Variants in RNF169 observed in about 807,000 individuals in gnomAD.
RNF169 encodes E3 ubiquitin-protein ligase RNF169.
A neutral mutation model predicts 53.9 loss-of-function variants in RNF169; 24 were observed. That is an observed-to-expected ratio of 0.45 (90% CI 0.32 to 0.63). The LOEUF (loss-of-function observed/expected upper bound fraction) is 0.63, where lower values mean the gene tolerates loss of function less well. RNF169 is among the 20% of genes least tolerant of loss of function. RNF169 has a pLI of 0.04. For synonymous variants in RNF169, 396 were observed against 363.5 expected (o/e 1.09, Z -1.02); for missense variants, 883 against 906.2 (o/e 0.97, Z 0.33).
At chr11:74,768,844 A>G (rs1333595291) in intron 1 of RNF169, among the ~76,000 whole-genome samples, 3 of 151,932 alleles carry the variant, frequency 2.0e-5, no homozygotes. Context: ...CAGGAGTTCA[A>G]CACCAGCCTG....
intron 1 of RNF169, among the ~76,000 whole-genome samples, chr11:74,767,605 T>C (rs111893370): frequency 0.03 from 4,627 of 152,182 alleles, 68 homozygotes; most frequent in Non-Finnish European, 0.038. Context: ...AGTCTCGCTC[T>C]GTCGCCCAGG....
At chr11:74,781,662 G>A (rs2035418510) in intron 1 of RNF169, among the ~76,000 whole-genome samples, 1 of 152,126 alleles carries the variant, frequency 6.6e-6, no homozygotes, top group Non-Finnish European at 1.5e-5. Flanking sequence ...TTTGTTCTTA[G>A]TTTTTATTTT....
At chr11:74,807,106 C>T (rs962230598) in intron 2 of RNF169, among the ~76,000 whole-genome samples, 6 of 152,102 alleles carry the variant, frequency 3.9e-5, no homozygotes, top group African/African-American at 1.2e-4. Flanking sequence ...ACCTCATTTA[C>T]AGTAGTGGAT....
chr11:74,767,914 G>A (rs1330025382), intron 1 of RNF169, among the ~76,000 whole-genome samples: 1 of 152,100 alleles, frequency 6.6e-6, no homozygotes, highest in Admixed American at 6.5e-5. Context: ...CTGGCTTCAG[G>A]ATATCCCCCT....
chr11:74,771,179 A>AT (rs368294913), intron 1 of RNF169, among the ~76,000 whole-genome samples: 1 of 151,742 alleles, frequency 6.6e-6, no homozygotes, highest in Non-Finnish European at 1.5e-5. Context: ...AGTTGTAGTA[A>AT]TTTTTTTTGC....
intron 4 of RNF169, among the ~76,000 whole-genome samples, chr11:74,820,718 A>AG (rs1177525519): frequency 6.6e-6 from 1 of 152,222 alleles, no homozygotes; most frequent in Non-Finnish European, 1.5e-5. Context: ...TGGCTGGAAA[A>AG]GGAAGATAGC....
chr11:74,795,382 G>A (rs1423602968), intron 2 of RNF169, among the ~76,000 whole-genome samples: 4 of 151,244 alleles, frequency 2.6e-5, no homozygotes, highest in Admixed American at 2.0e-4. Context: ...ACCATGCCCA[G>A]TGTGTTGCCC....
intron 1 of RNF169, among the ~76,000 whole-genome samples, chr11:74,763,001 T>C (rs1035642377): frequency 6.6e-6 from 1 of 152,184 alleles, no homozygotes; most frequent in Admixed American, 6.5e-5. Flanking sequence ...TGTGCTGCAC[T>C]CTAGGTGAAA....
chr11:74,782,581 TC>T (rs1346285984), intron 1 of RNF169, among the ~76,000 whole-genome samples: 3 of 152,146 alleles, frequency 2.0e-5, no homozygotes, highest in Admixed American at 1.3e-4. Context: ...AGAAAACTGG[TC>T]CCTTGTGCCA....
At position 74,749,378 on chromosome 11, in the gene RNF169, G is replaced by T. The variant is rs780915018; in HGVS notation, c.498G>T (p.Glu166Asp). The change falls in exon 1 of 6, where the codon GAG becomes GAT. Residue 166 changes from glutamate (E) to aspartate (D), a missense_variant. Around this residue, in one of 3 missense-constraint regions of RNF169, gnomAD observed 313 missense variants for 279.9 expected, o/e 1.12. Transcript: ENST00000299563. ...AGGAGCCGCGTGCCGCGCCTGCGGA[G>T]CCAGGTGGAGCTTCCCCACTTCCCC... Reference protein sequence around the residue: ...PEQEPRAAPAEPDFIFRAPIK... With the variant: ...PEQEPRAAPADPDFIFRAPIK... 1 of 1,247,792 alleles carries T rather than the reference G, an allele frequency of 8.0e-7. No homozygotes were observed. Among genetic ancestry groups the T allele is most frequent in the African/African-American group, 1.5e-5 (1 of 65,024 alleles). 77.3% of individuals were successfully genotyped at this position (1,247,792 alleles called of 1,614,324 possible). A position where few individuals can be genotyped will look rare whatever the true frequency, so the allele number is the denominator to read the frequency against.
chr11:74,790,891 G>A, intron 2 of RNF169, among the ~76,000 whole-genome samples: 1 of 152,238 alleles, frequency 6.6e-6, no homozygotes, highest in East Asian at 1.9e-4. Context: ...TCCCTGAAGG[G>A]CTGCAGCTCT....
intron 4 of RNF169, among the ~76,000 whole-genome samples, chr11:74,828,855 A>C (rs572700351): frequency 2.0e-5 from 3 of 152,348 alleles, no homozygotes; most frequent in Admixed American, 1.3e-4. Context: ...AGATGAATTA[A>C]AGACTTAAAT....
At chr11:74,805,524 T>C (rs1382923453) in intron 2 of RNF169, among the ~76,000 whole-genome samples, 1 of 152,142 alleles carries the variant, frequency 6.6e-6, no homozygotes, top group Non-Finnish European at 1.5e-5. Flanking sequence ...TCTTATGATA[T>C]AAAAAATGAA....
intron 1 of RNF169, among the ~76,000 whole-genome samples, chr11:74,786,155 G>T (rs553106435): frequency 4.3e-4 from 66 of 151,742 alleles, no homozygotes; most frequent in African/African-American, 1.5e-3. Context: ...TAGCCAGGAT[G>T]GTCTTGATCT....
At chr11:74,820,098 G>A (rs114158207) in intron 4 of RNF169, among the ~76,000 whole-genome samples, 3,228 of 152,144 alleles carry the variant, frequency 0.021, 111 homozygotes, top group African/African-American at 0.074. Flanking sequence ...TGGGAAATAG[G>A]TACCCTTCCT....
At position 74,792,264 on chromosome 11, in the gene RNF169, C is replaced by G. The variant is rs566943041; in HGVS notation, c.576+2565C>G. 3.2e-4 allele frequency among the ~76,000 whole-genome samples: 49 copies of G among 152,086 alleles called. 2 individuals are homozygous for G. In the South Asian group the frequency reaches 9.8e-3, roughly 30 times the overall value. On this transcript the variant is annotated intron_variant, in intron 2 of 5. Coordinates refer to ENST00000299563, the MANE Select transcript of RNF169 (RefSeq NM_001098638.2). ...AATAAAATTTCAGAATGTACACATA[C>G]AATATTTACTTCTAATAGATCTTTT...
At position 74,749,297 on chromosome 11, in the gene RNF169, G is replaced by A. The variant is rs1220499924; in HGVS notation, c.417G>A (p.Glu139=). Residue 139 remains glutamate, a synonymous_variant, in exon 1 of 6, where the codon GAG becomes GAA. Transcript: ENST00000299563. The part of the protein sequence containing the change: ...LGECARRSQP[E]RCRPRRDGGA... ...AGTGCGCCCGCCGCAGCCAACCCGA[G>A]CGCTGCCGCCCGCGCCGGGACGGGG... 5.2e-5 allele frequency: 61 copies of A among 1,173,258 alleles called. No homozygotes were observed. Among genetic ancestry groups the A allele is most frequent in the Non-Finnish European group, 6.0e-5 (57 of 951,882 alleles). The allele number at this position is 1,173,258 out of a possible 1,614,324, so 72.7% of individuals were successfully genotyped here.
intron 4 of RNF169, among the ~76,000 whole-genome samples, chr11:74,830,214 CAGT>C (rs2036158043): frequency 1.3e-5 from 2 of 151,670 alleles, no homozygotes. Flanking sequence ...AATAGGAAAA[CAGT>C]AGAATGAATG....
chr11:74,760,239 TG>T (rs1172335557), intron 1 of RNF169, among the ~76,000 whole-genome samples: 1 of 152,170 alleles, frequency 6.6e-6, no homozygotes, highest in African/African-American at 2.4e-5. Flanking sequence ...CTATCAATTT[TG>T]TTGATCCTTT....
Sources: allele counts gnomAD v4.1 joint callset (sites outside exome capture counted in the v4.1 genomes callset), GRCh38; gene constraint gnomAD v4.1.1; regional missense constraint gnomAD v4.1.1; transcripts MANE v1.5; gene names NCBI Gene and HGNC (gene_info 2026-07-23, HGNC 2026-07-21).